The following KLF12 variants were observed in gnomAD, a reference collection of about 807,000 sequenced individuals.
KLF12 encodes the protein KLF transcription factor 12.
A neutral mutation model predicts 37.8 loss-of-function variants in KLF12; 9 were observed. The ratio of observed to expected loss-of-function variants is 0.24; its 90% confidence interval spans 0.14 to 0.42. KLF12 has a LOEUF of 0.42. Among genes scored for constraint, KLF12 ranks in the 10% least tolerant of loss-of-function variants. The pLI is 1.00. For synonymous variants in KLF12, 208 were observed against 202.1 expected (o/e 1.03, Z -0.25); for missense variants, 411 against 516.0 (o/e 0.80, Z 1.97).
chr13:74,049,274 A>T (rs925775950), intron 1 of KLF12, among the ~76,000 whole-genome samples: 1 of 152,198 alleles, frequency 6.6e-6, no homozygotes, highest in Non-Finnish European at 1.5e-5. Flanking sequence ...CTTCTCATTC[A>T]AATTGCAAAC....
chr13:73,807,101 A>AGTTC (rs1368203071), intron 5 of KLF12, among the ~76,000 whole-genome samples: 14 of 152,316 alleles, frequency 9.2e-5, no homozygotes, highest in Non-Finnish European at 1.6e-4. Context: ...TGAGGCCAGG[A>AGTTC]GTTCGAGACT....
At chr13:74,153,864 T>A in the KLF12 span, among the ~76,000 whole-genome samples, 1 of 152,184 alleles carries the variant, frequency 6.6e-6, no homozygotes, top group Non-Finnish European at 1.5e-5. Flanking sequence ...AACCCTTTAC[T>A]TTCAAGTTTA....
chr13:74,157,859 G>T, the KLF12 span, among the ~76,000 whole-genome samples: 1 of 152,132 alleles, frequency 6.6e-6, no homozygotes, highest in Non-Finnish European at 1.5e-5. Context: ...ACATCCTGCT[G>T]CTCCCATGGC....
At chr13:74,050,359 C>G (rs553766802) in intron 1 of KLF12, among the ~76,000 whole-genome samples, 1 of 152,112 alleles carries the variant, frequency 6.6e-6, no homozygotes, top group Non-Finnish European at 1.5e-5. Flanking sequence ...TTCACCTCTC[C>G]TACAATCTCC....
chr13:74,256,096 A>G, the KLF12 span, among the ~76,000 whole-genome samples: 1 of 151,238 alleles, frequency 6.6e-6, no homozygotes, highest in Admixed American at 6.6e-5. Context: ...CGGAGCTTGC[A>G]GTGAGGGGAG....
intron 1 of KLF12, among the ~76,000 whole-genome samples, chr13:74,068,033 TGG>T (rs1378173628): frequency 6.6e-6 from 1 of 152,238 alleles, no homozygotes; most frequent in African/African-American, 2.4e-5. Context: ...CTGATGCACC[TGG>T]AATGTGACCA....
chr13:74,050,976 AAAC>A (rs1256098302), intron 1 of KLF12, among the ~76,000 whole-genome samples: 1 of 152,226 alleles, frequency 6.6e-6, no homozygotes, highest in African/African-American at 2.4e-5. Context: ...GTGCAAACTA[AAAC>A]AACAAGACAT....
intron 3 of KLF12, among the ~76,000 whole-genome samples, chr13:73,906,270 G>T (rs1431281238): frequency 6.6e-6 from 1 of 152,082 alleles, no homozygotes; most frequent in Non-Finnish European, 1.5e-5. Flanking sequence ...TGTTTTATTA[G>T]TTCATAAAAT....
At chr13:73,770,166 A>G (rs964855422) in intron 5 of KLF12, among the ~76,000 whole-genome samples, 2 of 152,188 alleles carry the variant, frequency 1.3e-5, no homozygotes, top group African/African-American at 4.8e-5. Context: ...GAATTTTCCT[A>G]TGCAGAATTA....
intron 3 of KLF12, among the ~76,000 whole-genome samples, chr13:73,905,311 C>T (rs1300335821): frequency 1.3e-5 from 2 of 149,890 alleles, no homozygotes; most frequent in African/African-American, 5.1e-5. Flanking sequence ...ATCTTTCCTG[C>T]CAAGCTAAAA....
chr13:73,897,319 A>C (rs1298894762), intron 3 of KLF12, among the ~76,000 whole-genome samples: 1 of 152,174 alleles, frequency 6.6e-6, no homozygotes, highest in Non-Finnish European at 1.5e-5. Flanking sequence ...TTGGTAATAA[A>C]TTCAGCTTCC....
chr13:74,268,619 C>T, the KLF12 span, among the ~76,000 whole-genome samples: 2 of 152,140 alleles, frequency 1.3e-5, no homozygotes, highest in South Asian at 2.1e-4. Flanking sequence ...GAGATTGGAA[C>T]TCCTGTTCAG....
chr13:74,242,873 G>A, the KLF12 span, among the ~76,000 whole-genome samples: 474 of 152,260 alleles, frequency 3.1e-3, 3 homozygotes, highest in African/African-American at 0.011. Context: ...CTGGGCACTC[G>A]GGGAAGTTGC....
chr13:74,079,210 C>CGGT (rs34694754), intron 1 of KLF12, among the ~76,000 whole-genome samples: 58,582 of 151,642 alleles, frequency 0.39, 12,560 homozygotes, highest in East Asian at 0.8. Flanking sequence ...CAAAATAGAA[C>CGGT]GGGTACCAGG....
rs1555275173 is a variant in KLF12 at position 74,133,833 on chromosome 13, G to GCACACACACACACACTCGCA, written c.-127_-126insTGCGAGTGTGTGTGTGTGTG. ...CTTTCTCTCTCTCACACGCGCGCGC[G>GCACACACACACACACTCGCA]CACACACACACACACACTCGCACAC... On this transcript the variant is annotated 5_prime_UTR_variant, in exon 1 of 8. Transcript: ENST00000377669. Among the ~76,000 whole-genome samples, 6 of 150,650 alleles carry GCACACACACACACACTCGCA rather than the reference G, an allele frequency of 4.0e-5. No homozygotes were observed. The highest frequency in any genetic ancestry group is 1.3e-4 in the Admixed American group (2 of 15,172).
the KLF12 span, among the ~76,000 whole-genome samples, chr13:74,178,885 C>T: frequency 1.3e-5 from 2 of 152,212 alleles, no homozygotes; most frequent in East Asian, 1.9e-4. Context: ...TTTTGCCTCA[C>T]CCCCAGTTTT....
chr13:73,924,557 C>G (rs1003674019), intron 3 of KLF12, among the ~76,000 whole-genome samples: 23 of 152,140 alleles, frequency 1.5e-4, no homozygotes, highest in Non-Finnish European at 3.1e-4. Context: ...AGCCATTCCC[C>G]TATCTCTTTC....
chr13:73,767,533 T>C (rs1879997768), intron 5 of KLF12, among the ~76,000 whole-genome samples: 1 of 152,226 alleles, frequency 6.6e-6, no homozygotes, highest in Admixed American at 6.5e-5. Context: ...TAACATGTAT[T>C]GAATGTGCTC....
chr13:73,907,123 A>G (rs530832958), intron 3 of KLF12, among the ~76,000 whole-genome samples: 8 of 152,328 alleles, frequency 5.3e-5, no homozygotes, highest in Admixed American at 1.3e-4. Context: ...TATGGTTGTG[A>G]AAAGATACAT....
Sources: gnomAD v4.1 joint callset for allele counts (sites outside exome capture counted in the v4.1 genomes callset) on GRCh38, gnomAD v4.1.1 for gene constraint, MANE v1.5 for transcripts, NCBI Gene and HGNC (gene_info 2026-07-23, HGNC 2026-07-21) for gene names.